The following SUGCT variants were observed in gnomAD, a reference collection of about 807,000 sequenced individuals.
The protein encoded by SUGCT is succinyl-CoA:glutarate-CoA transferase, also known as succinyl-CoA:glutarate CoA-transferase.
In SUGCT, 41 loss-of-function variants were observed where a neutral mutation model predicts 55.0. The observed-to-expected ratio is 0.74, with a 90% CI of 0.58 to 0.97. The LOEUF (loss-of-function observed/expected upper bound fraction) is 0.97. Ranked by LOEUF, SUGCT falls within the 50% of genes least tolerant of loss-of-function variation. The pLI, the probability that SUGCT is intolerant of heterozygous loss-of-function variation, is 0.00. For synonymous variants in SUGCT, 187 were observed against 200.4 expected (o/e 0.93, Z 0.56); for missense variants, 568 against 547.8 (o/e 1.04, Z -0.37).
intron 13 of SUGCT, among the ~76,000 whole-genome samples, chr7:40,844,646 G>A (rs773035882): frequency 2.6e-5 from 4 of 152,192 alleles, no homozygotes; most frequent in African/African-American, 9.7e-5. Flanking sequence ...AACATTTCGG[G>A]TGGGAAAACA....
chr7:40,451,137 T>TCTAA (rs1257850215), intron 10 of SUGCT, among the ~76,000 whole-genome samples: 3 of 152,186 alleles, frequency 2.0e-5, no homozygotes, highest in Admixed American at 2.0e-4. Flanking sequence ...ATTTGCGTAC[T>TCTAA]CTAACTGCAG....
the SUGCT span, among the ~76,000 whole-genome samples, chr7:40,901,182 G>T: frequency 6.6e-6 from 1 of 152,184 alleles, no homozygotes; most frequent in South Asian, 2.1e-4. Flanking sequence ...GCAGAACTTG[G>T]TTACAAAGGA....
At chr7:40,949,306 GT>G in the SUGCT span, among the ~76,000 whole-genome samples, 33 of 152,176 alleles carry the variant, frequency 2.2e-4, no homozygotes, top group East Asian at 6.2e-3. Flanking sequence ...GGGGTTGTTT[GT>G]TTTTTTCTTG....
Position 40,533,454 on chromosome 7 carries a change from G to T in SUGCT, c.1089+37068G>T, listed in dbSNP as rs370118395. Among the ~76,000 whole-genome samples the T allele has an allele frequency of 3.3e-5, 5 of 151,816 alleles. No individual in the cohort carries two copies. In the East Asian group the frequency reaches 9.6e-4, roughly 29 times the overall value. Reference sequence around the variant, plus strand: ...CAGAAATATATAAATCCAAAATCTTGTTTTATGTTTTTACAGTTTTGTAGA... The same window carrying T: ...CAGAAATATATAAATCCAAAATCTTTTTTTATGTTTTTACAGTTTTGTAGA... On this transcript the variant is annotated intron_variant, in intron 12 of 13. Coordinates refer to ENST00000335693, the MANE Select transcript of SUGCT (RefSeq NM_001193313.2).
chr7:40,985,264 C>T, the SUGCT span, among the ~76,000 whole-genome samples: 1 of 152,126 alleles, frequency 6.6e-6, no homozygotes, highest in African/African-American at 2.4e-5. Flanking sequence ...TTCATTTATT[C>T]AATGGCATTG....
the SUGCT span, among the ~76,000 whole-genome samples, chr7:40,944,535 A>G: frequency 3.4e-4 from 52 of 152,084 alleles, no homozygotes; most frequent in African/African-American, 3.6e-4. Flanking sequence ...TATTAAATAG[A>G]GAATCCTTTC....
intron 9 of SUGCT, among the ~76,000 whole-genome samples, chr7:40,426,027 A>G (rs1787571075): frequency 6.6e-6 from 1 of 152,212 alleles, no homozygotes; most frequent in African/African-American, 2.4e-5. Context: ...TGTCTGGCAC[A>G]TATCTTAATC....
chr7:40,914,336 G>C, the SUGCT span, among the ~76,000 whole-genome samples: 7 of 142,896 alleles, frequency 4.9e-5, 1 homozygote, highest in East Asian at 1.4e-3. Context: ...GTGCAGGTTA[G>C]TTACATATGT....
At chr7:40,194,082 G>A (rs1320967479) in intron 5 of SUGCT, among the ~76,000 whole-genome samples, 1 of 151,994 alleles carries the variant, frequency 6.6e-6, no homozygotes, top group Non-Finnish European at 1.5e-5. Flanking sequence ...GGTTTACTGG[G>A]CTATAGTTTA....
chr7:40,370,025 T>C (rs755092638), intron 9 of SUGCT, among the ~76,000 whole-genome samples: 1 of 152,122 alleles, frequency 6.6e-6, no homozygotes, highest in Non-Finnish European at 1.5e-5. Context: ...TACTTTGTAT[T>C]AGAGAAAAAT....
chr7:40,245,841 A>G (rs968799176), intron 7 of SUGCT, among the ~76,000 whole-genome samples: 5 of 151,594 alleles, frequency 3.3e-5, no homozygotes, highest in African/African-American at 1.2e-4. Context: ...TCAAGCATTT[A>G]TCATTTCTTT....
chr7:40,210,857 A>C (rs1246719004), intron 6 of SUGCT, among the ~76,000 whole-genome samples: 1 of 152,170 alleles, frequency 6.6e-6, no homozygotes, highest in East Asian at 1.9e-4. Context: ...GGTGATTGGA[A>C]GGTAGGGTGG....
intron 9 of SUGCT, among the ~76,000 whole-genome samples, chr7:40,343,401 G>A (rs1241589824): frequency 1.3e-5 from 2 of 152,026 alleles, no homozygotes; most frequent in African/African-American, 2.4e-5. Flanking sequence ...GAACTTGAAC[G>A]CAGGTCTTTG....
chr7:40,488,541 A>G (rs773759983), intron 11 of SUGCT, among the ~76,000 whole-genome samples: 35 of 152,174 alleles, frequency 2.3e-4, no homozygotes, highest in Admixed American at 5.2e-4. Context: ...TATATTCTGA[A>G]TTTGATTGTG....
At chr7:40,864,884 T>A (rs1403485110), downstream of SUGCT, among the ~76,000 whole-genome samples, 1 of 152,114 alleles carries the variant, frequency 6.6e-6, no homozygotes, top group Middle Eastern at 3.2e-3. Flanking sequence ...ATATCAGAAT[T>A]TACTCACCTC....
At chr7:40,508,043 C>T (rs1792706469) in intron 12 of SUGCT, among the ~76,000 whole-genome samples, 1 of 152,184 alleles carries the variant, frequency 6.6e-6, no homozygotes, top group Admixed American at 6.6e-5. Flanking sequence ...TAAGGATAGC[C>T]TCCTCAGGCA....
chr7:40,191,641 C>T (rs1305729217), intron 5 of SUGCT, among the ~76,000 whole-genome samples: 5 of 152,146 alleles, frequency 3.3e-5, no homozygotes, highest in African/African-American at 4.8e-5. Flanking sequence ...TCAAGCAATC[C>T]GCATGCCTCA....
intron 12 of SUGCT, among the ~76,000 whole-genome samples, chr7:40,570,979 C>T (rs1195636351): frequency 6.6e-6 from 1 of 150,460 alleles, no homozygotes; most frequent in Non-Finnish European, 1.5e-5. Context: ...CCTGCCTCAG[C>T]CTCCCGAGTA....
the SUGCT span, among the ~76,000 whole-genome samples, chr7:40,890,073 T>C: frequency 1.3e-5 from 2 of 151,646 alleles, no homozygotes. Context: ...ATTCAATCAT[T>C]GAATGAATAA....
Sources: gnomAD v4.1 joint callset for allele counts (sites outside exome capture counted in the v4.1 genomes callset) on GRCh38, gnomAD v4.1.1 for gene constraint, MANE v1.5 for transcripts, NCBI Gene and HGNC (gene_info 2026-07-23, HGNC 2026-07-21) for gene names.